Variants in COX16 observed in about 807,000 individuals in gnomAD.
The protein encoded by COX16 is cytochrome c oxidase assembly protein COX16 homolog, mitochondrial.
COX16 carries 12 observed loss-of-function variants against 15.4 expected under a neutral mutation model. The observed-to-expected ratio is 0.78, with a 90% CI of 0.50 to 1.26. COX16 has a LOEUF of 1.26. Among genes scored for constraint, COX16 ranks in the 50% most tolerant of loss-of-function variants. The pLI is 0.00. For synonymous variants in COX16, 46 were observed against 41.1 expected (o/e 1.12, Z -0.46); for missense variants, 124 against 127.6 (o/e 0.97, Z 0.14).
chr14:70,326,415 T>G lies in COX16; in HGVS notation c.239A>C (p.Asn80Thr), dbSNP rs751777869. 5.6e-6 allele frequency: 9 copies of G among 1,594,096 alleles called. No individual in the cohort carries two copies. Among genetic ancestry groups the G allele is most frequent in the Admixed American group, 5.3e-5 (3 of 56,928 alleles). The change falls in exon 4 of 4, where the codon AAT becomes ACT. Residue 80 changes from asparagine (N) to threonine (T), a missense_variant. Coordinates refer to ENST00000389912, the MANE Select transcript of COX16 (RefSeq NM_016468.7). ...IKDSKFDDWK[N>T]IRGPRPWEDP... is the part of the protein sequence containing the mutation. ...TTCCCAAGGCCTGGGTCCTCGAATATTCTTCCAGTCATCAAACTTGGAGTC... is the reference window on the plus strand; with the variant it reads ...TTCCCAAGGCCTGGGTCCTCGAATAGTCTTCCAGTCATCAAACTTGGAGTC...
intron 1 of COX16, among the ~76,000 whole-genome samples, chr14:70,346,071 C>G (rs1392452289): frequency 1.3e-5 from 2 of 152,080 alleles, no homozygotes; most frequent in African/African-American, 4.8e-5. Context: ...CATCCCGCCA[C>G]CTTACGCCCC....
rs1392161274 is a variant in COX16 at position 70,331,996 on chromosome 14, C to CGA, written c.142-2761_142-2760insTC. Reference sequence around the variant, plus strand: ...GAAGGTCGTTTTGAATGCATTCACACCTAGGTGGATGATCCACTGAGCTTG... The same window carrying CGA: ...GAAGGTCGTTTTGAATGCATTCACACGACTAGGTGGATGATCCACTGAGCTTG... On this transcript the variant is annotated intron_variant, in intron 2 of 3. Coordinates refer to ENST00000389912, the MANE Select transcript of COX16 (RefSeq NM_016468.7). Among the ~76,000 whole-genome samples the CGA allele has an allele frequency of 2.0e-5, 3 of 152,182 alleles. No homozygotes were observed. The South Asian group carries it at 6.2e-4, about 31-fold the overall frequency.
At chr14:70,340,127 G>T (rs912418012) in intron 2 of COX16, among the ~76,000 whole-genome samples, 2 of 152,180 alleles carry the variant, frequency 1.3e-5, no homozygotes, top group Non-Finnish European at 2.9e-5. Context: ...GAGGGACCTG[G>T]TGGGAAGTAA....
intron 2 of COX16, among the ~76,000 whole-genome samples, chr14:70,332,897 A>AT (rs979808265): frequency 6.6e-6 from 1 of 152,226 alleles, no homozygotes; most frequent in African/African-American, 2.4e-5. Flanking sequence ...CCTGGTCAGC[A>AT]TTCCCACACA....
rs911015785 is a variant in COX16, at chr14:70,327,098, G to C, written c.205-649C>G. Among the ~76,000 whole-genome samples, 4 of 152,138 alleles carry C rather than the reference G, an allele frequency of 2.6e-5. 1 individual carries two copies. Among genetic ancestry groups the C allele is most frequent in the Admixed American group, 2.6e-4 (4 of 15,278 alleles). ...CCTTTCTCCTACTGACCACCACTCT[G>C]ACATTAACTTTTACATATCTGCTGT... On this transcript the variant is annotated intron_variant, in intron 3 of 3. Transcript: ENST00000389912.
chr14:70,344,129 G>T (rs1173418976), intron 1 of COX16, among the ~76,000 whole-genome samples: 1 of 152,130 alleles, frequency 6.6e-6, no homozygotes, highest in African/African-American at 2.4e-5. Context: ...TCCAGTGCAG[G>T]GTCTGCAAAA....
intron 1 of COX16, among the ~76,000 whole-genome samples, chr14:70,350,689 A>G (rs537907487): frequency 6.6e-6 from 1 of 152,374 alleles, no homozygotes; most frequent in East Asian, 1.9e-4. Context: ...TAACAATTTT[A>G]ATGTTTAATA....
At position 70,359,647 on chromosome 14, in the gene COX16, C is replaced by T; in HGVS notation, c.-60G>A. 1 of 1,460,778 alleles carries T rather than the reference C, an allele frequency of 6.8e-7. No homozygotes were observed. The allele number at this position is 1,460,778 out of a possible 1,614,324, so 90.5% of individuals were successfully genotyped here. A position where few individuals can be genotyped will look rare whatever the true frequency, so the allele number is the denominator to read the frequency against. ...GGGCCTAGCGCAGACTCCCAAATCT[C>T]AGCAGCTCACGCTCTCACCAAGACG... On this transcript the variant is annotated 5_prime_UTR_variant, in exon 1 of 4. Coordinates refer to ENST00000389912, the MANE Select transcript of COX16 (RefSeq NM_016468.7).
chr14:70,329,087 A>AT (rs1886191286), intron 3 of COX16, 87 bp downstream of exon 3: 2 of 1,291,038 alleles, frequency 1.5e-6, no homozygotes, highest in Non-Finnish European at 2.1e-6. Flanking sequence ...ATTCAACGTA[A>AT]TTTTTTTCTG....
intron 2 of COX16, among the ~76,000 whole-genome samples, chr14:70,330,526 AAAT>A (rs1261532048): frequency 6.6e-6 from 1 of 152,216 alleles, no homozygotes; most frequent in Non-Finnish European, 1.5e-5. Flanking sequence ...AAGAAAATAA[AAAT>A]AACAGGCCAG....
chr14:70,342,550 T>G, intron 2 of COX16, 108 bp downstream of exon 2: 2 of 1,066,846 alleles, frequency 1.9e-6, no homozygotes, highest in Non-Finnish European at 2.6e-6. Flanking sequence ...ATCTTAGTGT[T>G]GAAAAGCAAG....
At chr14:70,353,598 C>G in intron 1 of COX16, among the ~76,000 whole-genome samples, 1 of 151,858 alleles carries the variant, frequency 6.6e-6, no homozygotes, top group Non-Finnish European at 1.5e-5. Context: ...ACTGCAACCT[C>G]CACCTCCCAG....
At chr14:70,353,473 T>G (rs1032093351) in intron 1 of COX16, among the ~76,000 whole-genome samples, 18 of 144,378 alleles carry the variant, frequency 1.2e-4, no homozygotes, top group African/African-American at 4.2e-4. Context: ...TATATATATA[T>G]ACATACACAC....
chr14:70,328,067 A>G (rs1385290913), intron 3 of COX16: 1 of 84,588 alleles, frequency 1.2e-5, no homozygotes, highest in East Asian at 4.2e-4. Flanking sequence ...ATGCCTGAGA[A>G]TAAGATTTTT....
intron 1 of COX16, among the ~76,000 whole-genome samples, chr14:70,358,502 A>G (rs1195188806): frequency 6.7e-6 from 1 of 148,856 alleles, no homozygotes; most frequent in African/African-American, 2.5e-5. Flanking sequence ...TGCTTGGCCC[A>G]GATACTTCAA....
At chr14:70,346,130 A>C (rs1002448618) in intron 1 of COX16, among the ~76,000 whole-genome samples, 14 of 152,058 alleles carry the variant, frequency 9.2e-5, no homozygotes, top group African/African-American at 3.4e-4. Context: ...TCAAACCCTC[A>C]GAACGAACCA....
At chr14:70,349,329 A>G (rs1044643975) in intron 1 of COX16, among the ~76,000 whole-genome samples, 4 of 152,134 alleles carry the variant, frequency 2.6e-5, no homozygotes, top group African/African-American at 9.7e-5. Context: ...CGCCCAATAA[A>G]CAGCTCCGCT....
chr14:70,327,165 G>A (rs1239144150), intron 3 of COX16, among the ~76,000 whole-genome samples: 3 of 152,086 alleles, frequency 2.0e-5, no homozygotes, highest in South Asian at 2.1e-4. Flanking sequence ...GAAAAAAAAA[G>A]CTGTGAAAAC....
intron 2 of COX16, among the ~76,000 whole-genome samples, chr14:70,332,659 C>T (rs747045007): frequency 5.2e-4 from 79 of 152,324 alleles, no homozygotes; most frequent in African/African-American, 1.8e-3. Flanking sequence ...TTCAGCCCCT[C>T]CTGTGGAAGT....
Sources: allele counts gnomAD v4.1 joint callset (sites outside exome capture counted in the v4.1 genomes callset), GRCh38; gene constraint gnomAD v4.1.1; transcripts MANE v1.5; gene names NCBI Gene and HGNC (gene_info 2026-07-23, HGNC 2026-07-21).